ASNS: variants seen among roughly 807,000 people sequenced by gnomAD.
The protein encoded by ASNS is asparagine synthetase [glutamine-hydrolyzing].
Under a neutral mutation model 62.6 loss-of-function variants are expected in ASNS, and 37 were observed. The ratio of observed to expected loss-of-function variants is 0.59; its 90% CI spans 0.45 to 0.78. The LOEUF (loss-of-function observed/expected upper bound fraction) is 0.78. Among genes scored for constraint, ASNS ranks in the 30% least tolerant of loss-of-function variants. The probability of loss-of-function intolerance (pLI) is 0.00; values close to 1 mark genes in which losing one functional copy is unlikely to be tolerated. For missense variants in ASNS, 520 were observed against 682.4 expected (o/e 0.76, Z 2.65); for synonymous variants, 207 against 237.9 (o/e 0.87, Z 1.19).
the ASNS span, among the ~76,000 whole-genome samples, chr7:97,881,674 C>T: frequency 0.084 from 12,791 of 152,134 alleles, 621 homozygotes; most frequent in East Asian, 0.11. Context: ...GAGAGAGAGC[C>T]TTGGTATCGT....
chr7:97,896,741 C>CACACATATATATATAT, the ASNS span, among the ~76,000 whole-genome samples: 43 of 19,774 alleles, frequency 2.2e-3, no homozygotes, highest in Admixed American at 4.7e-3. Context: ...CACACACACA[C>CACACATATATATATAT]ATATATATAT....
intron 4 of ASNS, among the ~76,000 whole-genome samples, chr7:97,862,284 T>A (rs999896728): frequency 1.3e-5 from 2 of 152,002 alleles, no homozygotes; most frequent in African/African-American, 4.8e-5. Context: ...TAATAATAAA[T>A]GAGCTATCAA....
the ASNS span, among the ~76,000 whole-genome samples, chr7:97,896,705 T>TAC: frequency 1.6e-4 from 4 of 25,304 alleles, no homozygotes; most frequent in African/African-American, 2.1e-4. Context: ...TATATGTGTA[T>TAC]ATATATACAC....
chr7:97,854,866 T>C, intron 9 of ASNS, 186 bp from the exon 10 acceptor site: 1 of 1,006,706 alleles, frequency 9.9e-7, no homozygotes, highest in Non-Finnish European at 1.4e-6. Context: ...AAACTGCTAA[T>C]ATTAGAATAA....
upstream of ASNS, among the ~76,000 whole-genome samples, chr7:97,876,432 T>A (rs1432295132): frequency 6.7e-6 from 1 of 149,278 alleles, no homozygotes; most frequent in African/African-American, 2.5e-5. Flanking sequence ...CAAACATATT[T>A]TTTTTTTTTT....
At chr7:97,918,890 C>T in the ASNS span, among the ~76,000 whole-genome samples, 2 of 151,766 alleles carry the variant, frequency 1.3e-5, no homozygotes, top group Non-Finnish European at 2.9e-5. Flanking sequence ...CACATGTATA[C>T]CTATGTAACA....
intron 4 of ASNS, among the ~76,000 whole-genome samples, chr7:97,861,510 C>A (rs1247228179): frequency 6.6e-6 from 1 of 152,110 alleles, no homozygotes; most frequent in Non-Finnish European, 1.5e-5. Context: ...CAATTCTATC[C>A]CACTAGTCTA....
intron 1 of ASNS, chr7:97,871,726 C>T (rs1792272223): frequency 6.6e-6 from 1 of 151,944 alleles, no homozygotes; most frequent in African/African-American, 2.4e-5. Context: ...GACCTCTTCT[C>T]GGCAGGGTTT....
At chr7:97,913,621 G>C in the ASNS span, among the ~76,000 whole-genome samples, 1 of 151,694 alleles carries the variant, frequency 6.6e-6, no homozygotes, top group East Asian at 1.9e-4. Flanking sequence ...CCAATTTTCA[G>C]ATAAGAAAAT....
intron 4 of ASNS, among the ~76,000 whole-genome samples, chr7:97,859,883 G>A (rs1791633979): frequency 6.6e-6 from 1 of 152,136 alleles, no homozygotes; most frequent in Non-Finnish European, 1.5e-5. Context: ...CTACTTTAAA[G>A]TCAGATAAGA....
At chr7:97,920,931 A>T in the ASNS span, among the ~76,000 whole-genome samples, 1 of 152,232 alleles carries the variant, frequency 6.6e-6, no homozygotes, top group East Asian at 1.9e-4. Context: ...CAGCGCCAAG[A>T]CAGCCGGCCT....
intron 3 of ASNS, among the ~76,000 whole-genome samples, chr7:97,866,597 G>A (rs1176785528): frequency 1.3e-5 from 2 of 152,156 alleles, no homozygotes; most frequent in African/African-American, 4.8e-5. Context: ...CGGGTTTTTG[G>A]CTGACATTAG....
intron 1 of ASNS, chr7:97,870,226 T>C: frequency 2.1e-6 from 2 of 955,116 alleles, no homozygotes; most frequent in Non-Finnish European, 3.0e-6. Flanking sequence ...AGTGTCTGAG[T>C]GCTACGAAGA....
chr7:97,869,459 T>C (rs192225068), intron 2 of ASNS, among the ~76,000 whole-genome samples: 94 of 152,316 alleles, frequency 6.2e-4, no homozygotes, highest in African/African-American at 2.2e-3. Context: ...GATTTAGTGG[T>C]TGGCTAGAGC....
chr7:97,914,292 G>T, the ASNS span, among the ~76,000 whole-genome samples: 3 of 152,070 alleles, frequency 2.0e-5, no homozygotes, highest in African/African-American at 7.2e-5. Flanking sequence ...GATTTCCTAG[G>T]GTGTGTCATC....
intron 3 of ASNS, among the ~76,000 whole-genome samples, chr7:97,864,786 T>C (rs1791887887): frequency 6.6e-6 from 1 of 152,148 alleles, no homozygotes; most frequent in African/African-American, 2.4e-5. Context: ...GTATATTATA[T>C]ACATACCATA....
chr7:97,882,462 C>T, the ASNS span, among the ~76,000 whole-genome samples: 1 of 151,810 alleles, frequency 6.6e-6, no homozygotes, highest in Non-Finnish European at 1.5e-5. Flanking sequence ...GCAGGAGAAT[C>T]GCTTGAACCA....
At chr7:97,908,906 C>A in the ASNS span, 1 of 152,162 alleles carries the variant, frequency 6.6e-6, no homozygotes, top group Non-Finnish European at 1.5e-5. Flanking sequence ...AGTGAGCAAG[C>A]CGCCTGGATG....
chr7:97,883,444 A>T, the ASNS span, among the ~76,000 whole-genome samples: 5 of 149,286 alleles, frequency 3.3e-5, no homozygotes, highest in Admixed American at 1.4e-4. Flanking sequence ...TCAGTGACCA[A>T]GTCACGTGGG....
Sources: allele counts gnomAD v4.1 joint callset (sites outside exome capture counted in the v4.1 genomes callset), GRCh38; gene constraint gnomAD v4.1.1; transcripts MANE v1.5; gene names NCBI Gene and HGNC (gene_info 2026-07-23, HGNC 2026-07-21).